ALDH3A2: variants seen among roughly 807,000 people sequenced by gnomAD.
The protein encoded by ALDH3A2 is aldehyde dehydrogenase 3 family member A2.
ALDH3A2 carries 36 observed loss-of-function variants against 51.3 expected under a neutral mutation model. The ratio of observed to expected loss-of-function variants is 0.70; its 90% CI spans 0.54 to 0.93. The LOEUF (loss-of-function observed/expected upper bound fraction) is 0.93. ALDH3A2 is among the 40% of genes least tolerant of loss of function. The pLI, the probability that ALDH3A2 is intolerant of heterozygous loss-of-function variation, is 0.00. For synonymous variants in ALDH3A2, 199 were observed against 219.8 expected (o/e 0.91, Z 0.84); for missense variants, 552 against 603.1 (o/e 0.92, Z 0.89).
chr17:19,664,441 TC>T (rs1184100822), intron 7 of ALDH3A2, among the ~76,000 whole-genome samples: 4 of 152,250 alleles, frequency 2.6e-5, no homozygotes, highest in African/African-American at 9.6e-5. Flanking sequence ...CTTGTGCTTT[TC>T]TGAGCCTTAG....
intron 6 of ALDH3A2, 140 bp from the exon 7 acceptor site, chr17:19,663,193 C>A: frequency 1.1e-6 from 1 of 926,812 alleles, no homozygotes; most frequent in Non-Finnish European, 1.7e-6. Flanking sequence ...AGTTCATCCA[C>A]GTGCTCAGGA....
intron 8 of ALDH3A2, among the ~76,000 whole-genome samples, chr17:19,666,770 C>A (rs2085042978): frequency 6.9e-6 from 1 of 143,948 alleles, no homozygotes; most frequent in African/African-American, 2.6e-5. Context: ...GAGCGAGACT[C>A]CGATCTCAAA....
chr17:19,650,480 G>A (rs2084800632), intron 1 of ALDH3A2, among the ~76,000 whole-genome samples: 2 of 151,854 alleles, frequency 1.3e-5, no homozygotes, highest in South Asian at 4.2e-4. Context: ...TTGAGGCGGA[G>A]TCTCGCTCTT....
chr17:19,650,616 G>T (rs1398857295), intron 1 of ALDH3A2, among the ~76,000 whole-genome samples: 1 of 151,978 alleles, frequency 6.6e-6, no homozygotes, highest in Non-Finnish European at 1.5e-5. Context: ...ACCGTGCCCG[G>T]CTAATTTTTT....
chr17:19,652,725 G>A, intron 3 of ALDH3A2, 93 bp downstream of exon 3: 1 of 1,101,042 alleles, frequency 9.1e-7, no homozygotes, highest in Non-Finnish European at 1.4e-6. Flanking sequence ...GCTGGCCGGG[G>A]ACCCAATTGC....
intron 5 of ALDH3A2, among the ~76,000 whole-genome samples, chr17:19,659,858 A>AAG (rs1555533979): frequency 1.1e-4 from 16 of 151,678 alleles, no homozygotes; most frequent in African/African-American, 3.6e-4. Context: ...AAAAAAAAAA[A>AAG]AGAGAAAATT....
At chr17:19,666,850 ACCC>A (rs1486908442) in intron 8 of ALDH3A2, among the ~76,000 whole-genome samples, 1 of 151,302 alleles carries the variant, frequency 6.6e-6, no homozygotes, top group East Asian at 1.9e-4. Context: ...CCTATTATAT[ACCC>A]ACAAAAATTA....
At chr17:19,656,991 G>T (rs903435836) in intron 4 of ALDH3A2, among the ~76,000 whole-genome samples, 1 of 152,186 alleles carries the variant, frequency 6.6e-6, no homozygotes, top group African/African-American at 2.4e-5. Context: ...CAAAACAAGT[G>T]TTCCTCATTT....
At chr17:19,658,763 A>G (rs79125034) in intron 5 of ALDH3A2, among the ~76,000 whole-genome samples, 3,114 of 151,528 alleles carry the variant, frequency 0.021, 93 homozygotes, top group African/African-American at 0.065. Context: ...AAAAAAAAAA[A>G]AAGAAGAATG....
In ALDH3A2 at chr17:19,651,717, C is replaced by T. The variant is rs112425629; in HGVS notation, c.324C>T (p.Ile108=). ...QPQPLGVVLI[I]GAWNYPFVLT... is the part of the protein sequence containing the mutation. ...AGCCTCTGGGAGTGGTGCTGATAAT[C>T]GGAGCTTGGAATTACCCCTTCGTTC... The change falls in exon 2 of 10, where the codon ATC becomes ATT. Residue 108 remains isoleucine (I), a synonymous_variant. Coordinates refer to ENST00000176643, the MANE Select transcript of ALDH3A2 (RefSeq NM_000382.3). 1.3e-5 allele frequency: 21 copies of T among 1,614,024 alleles called. No homozygotes were observed. The highest frequency in any genetic ancestry group is 9.3e-5 in the African/African-American group (7 of 74,914).
In ALDH3A2 at chr17:19,671,746, C is replaced by T. The variant is rs148427967; in HGVS notation, c.1233C>T (p.His411=). Residue 411 remains histidine, a synonymous_variant, in exon 9 of 10, where the codon CAC becomes CAT. Transcript: ENST00000176643. ...GTTCCAGTGGGATGGGAGCTTATCA[C>T]GGAAAACATAGTTTTGATACTTTTT... ...GVGSSGMGAY[H]GKHSFDTFSH... 14 of 1,614,054 alleles carry T rather than the reference C, an allele frequency of 8.7e-6. No homozygotes were observed. Among genetic ancestry groups the T allele is most frequent in the Admixed American group, 3.3e-5 (2 of 60,008 alleles).
chr17:19,653,663 A>G lies in ALDH3A2; in HGVS notation c.471+1031A>G, dbSNP rs145378590. ...CAGGAGTGAAGCTGCAGACCTTCGC[A>G]GTGAGTGTTACAGCTCATAACGGCA... On this transcript the variant is annotated intron_variant, in intron 3 of 9. Coordinates refer to ENST00000176643, the MANE Select transcript of ALDH3A2 (RefSeq NM_000382.3). Among the ~76,000 whole-genome samples the G allele has an allele frequency of 5.4e-3, 821 of 152,160 alleles. 6 individuals carry two copies. The highest frequency in any genetic ancestry group is 0.018 in the African/African-American group (746 of 41,506).
intron 3 of ALDH3A2, among the ~76,000 whole-genome samples, chr17:19,655,037 G>T (rs2084876205): frequency 6.6e-6 from 1 of 152,168 alleles, no homozygotes. Context: ...AAAATGATCT[G>T]CCCAACTGCG....
intron 2 of ALDH3A2, 79 bp downstream of exon 2, chr17:19,651,857 CTAAT>C: frequency 1.6e-6 from 2 of 1,281,384 alleles, no homozygotes; most frequent in Non-Finnish European, 1.1e-6. Flanking sequence ...AGGATAGTGG[CTAAT>C]TAAATACATT....
rs371478620 is a variant in ALDH3A2, at chr17:19,656,425, A to G, written c.531A>G (p.Arg177=). 25 of 1,614,042 alleles carry G rather than the reference A, an allele frequency of 1.5e-5. No individual in the cohort carries two copies. Among genetic ancestry groups the G allele is most frequent in the African/African-American group, 6.7e-5 (5 of 74,920 alleles). The stretch of plus-strand genomic sequence containing the variant: ...AAACCACGGAGCTCCTGAAGCAGCG[A>G]TTTGACCACATTTTCTATACGGGAA... ...VEETTELLKQ[R]FDHIFYTGNT... The change falls in exon 4 of 10, where the codon CGA becomes CGG. Residue 177 remains arginine, a synonymous_variant. Transcript: ENST00000176643.
In ALDH3A2 at chr17:19,659,266, G is replaced by A. The variant is rs1415668083; in HGVS notation, c.798+1404G>A. 2.0e-5 allele frequency among the ~76,000 whole-genome samples: 3 copies of A among 152,078 alleles called. No homozygotes were observed. In the East Asian group the frequency reaches 5.8e-4, roughly 29 times the overall value. On this transcript the variant is annotated intron_variant, in intron 5 of 9. Coordinates refer to ENST00000176643, the MANE Select transcript of ALDH3A2 (RefSeq NM_000382.3). ...AAGATATGAAAATTGTCGCCGTTGT[G>A]GTGGTTCACTCCTGTAATCCGAGCA...
At chr17:19,653,898 G>T (rs548779647) in intron 3 of ALDH3A2, among the ~76,000 whole-genome samples, 36 of 152,290 alleles carry the variant, frequency 2.4e-4, no homozygotes, top group Non-Finnish European at 4.1e-4. Flanking sequence ...GCTGATTGGT[G>T]CGTTTACAAT....
chr17:19,657,767 A>G lies in ALDH3A2; in HGVS notation c.703A>G (p.Met235Val), dbSNP rs764210473. The G allele has an allele frequency of 1.9e-6, 3 of 1,613,856 alleles. No individual in the cohort carries two copies. Among genetic ancestry groups the G allele is most frequent in the South Asian group, 1.1e-5 (1 of 91,062 alleles). Residue 235 changes from methionine to valine, a missense_variant, in exon 5 of 10, where the codon ATG becomes GTG. Coordinates refer to ENST00000176643, the MANE Select transcript of ALDH3A2 (RefSeq NM_000382.3). ...VCRRITWGKY[M>V]NCGQTCIAPD... ...CAGACGCATAACCTGGGGAAAATAC[A>G]TGAATTGTGGCCAAACCTGCATTGC...
intron 9 of ALDH3A2, chr17:19,673,119 A>G: frequency 1.2e-6 from 2 of 1,614,078 alleles, no homozygotes; most frequent in Admixed American, 1.7e-5. Flanking sequence ...TGGAGATACC[A>G]GTTGCATTTG....
Sources: gnomAD v4.1 joint callset for allele counts (sites outside exome capture counted in the v4.1 genomes callset) on GRCh38, gnomAD v4.1.1 for gene constraint, MANE v1.5 for transcripts, NCBI Gene and HGNC (gene_info 2026-07-23, HGNC 2026-07-21) for gene names.